Variants in PCSK9 observed in about 807,000 individuals in gnomAD.
PCSK9 encodes the protein proprotein convertase subtilisin/kexin type 9, also known as convertase subtilisin/kexin type 9 preproprotein.
A neutral mutation model predicts 62.1 loss-of-function variants in PCSK9; 57 were observed. The observed-to-expected ratio is 0.92, with a 90% CI of 0.74 to 1.14. The LOEUF is 1.14. PCSK9 is among the 50% of genes most tolerant of loss of function. PCSK9 has a pLI of 0.00. For synonymous variants in PCSK9, 387 were observed against 409.4 expected (o/e 0.95, Z 0.66); for missense variants, 870 against 959.8 (o/e 0.91, Z 1.24).
chr1:55,049,282 C>T (rs943861323), intron 3 of PCSK9, among the ~76,000 whole-genome samples: 7 of 152,184 alleles, frequency 4.6e-5, no homozygotes, highest in African/African-American at 7.2e-5. Context: ...CAGAAGGGAC[C>T]GAGGCTGGTG....
At chr1:55,052,439 T>C (rs1334946163) in intron 4 of PCSK9, 28 bp downstream of exon 4, 1 of 1,613,304 alleles carries the variant, frequency 6.2e-7, no homozygotes, top group Non-Finnish European at 8.5e-7. Context: ...ATGGGAGGGC[T>C]GCCTCTGCCC....
At chr1:55,055,927 T>A in intron 5 of PCSK9, 66 bp from the exon 6 acceptor site, 2 of 1,457,976 alleles carry the variant, frequency 1.4e-6, no homozygotes, top group South Asian at 2.5e-5. Context: ...TCTGTGCCTG[T>A]AAGGGAGGGG....
intron 6 of PCSK9, 103 bp downstream of exon 6, chr1:55,056,292 C>A: frequency 8.1e-7 from 1 of 1,238,090 alleles, no homozygotes; most frequent in South Asian, 1.9e-5. Flanking sequence ...ACGTGGGCTT[C>A]TTGTGGCACG....
rs370574590 is a variant in PCSK9, at chr1:55,058,628, G to T, written c.1484G>T (p.Arg495Leu). 16 of 1,611,046 alleles carry T rather than the reference G, an allele frequency of 9.9e-6. No individual in the cohort carries two copies. The highest frequency in any genetic ancestry group is 1.4e-5 in the Non-Finnish European group (16 of 1,179,802). ...TCCAGTTTCTCCAGGAGTGGGAAGC[G>T]GCGGGGCGAGCGCATGGAGGTGACT... is the stretch of plus-strand genomic sequence containing the variant. Reference protein sequence around the residue: ...SCSSFSRSGKRRGERMEAQGG... With the variant: ...SCSSFSRSGKLRGERMEAQGG... Residue 495 changes from arginine (R) to leucine (L), a missense_variant, in exon 9 of 12, where the codon CGG becomes CTG. Transcript: ENST00000302118.
intron 5 of PCSK9, among the ~76,000 whole-genome samples, chr1:55,053,108 T>C (rs1274349995): frequency 6.6e-6 from 1 of 152,170 alleles, no homozygotes; most frequent in African/African-American, 2.4e-5. Flanking sequence ...TTTGTTATGT[T>C]ATCTTCAATG....
chr1:55,058,322 A>G (rs1460814693), intron 8 of PCSK9, 113 bp downstream of exon 8: 1 of 1,484,288 alleles, frequency 6.7e-7, no homozygotes, highest in East Asian at 2.4e-5. Flanking sequence ...GCCACCTTAA[A>G]TAGGATTAAA....
intron 10 of PCSK9, 58 bp from the exon 11 acceptor site, chr1:55,061,317 G>C: frequency 1.3e-6 from 2 of 1,532,890 alleles, no homozygotes; most frequent in Non-Finnish European, 1.8e-6. Flanking sequence ...ATGGGGATGG[G>C]CACTGGAGAC....
At position 55,040,854 on chromosome 1, in the gene PCSK9, A is replaced by C. The variant is rs1211681124; in HGVS notation, c.207+810A>C. ...GTGTGCGGGGCGAGTTTGCTCAACA[A>C]CTCTGCCAGCTTCTGGCCCTCAGGC... is the stretch of plus-strand genomic sequence containing the variant. On this transcript the variant is annotated intron_variant, in intron 1 of 11. Transcript: ENST00000302118. This position sits in a 1 kb window ranked among gnomAD's most constrained non-coding sequence, Gnocchi z 4.1. 1.3e-5 allele frequency among the ~76,000 whole-genome samples: 2 copies of C among 151,958 alleles called. No homozygotes were observed. The highest frequency in any genetic ancestry group is 4.8e-5 in the African/African-American group (2 of 41,356).
chr1:55,063,570 C>T lies in PCSK9; in HGVS notation c.2065C>T (p.Gln689Ter), dbSNP rs769487037. 9 of 1,611,812 alleles carry T rather than the reference C, an allele frequency of 5.6e-6. No homozygotes were observed. The highest frequency in any genetic ancestry group is 1.7e-5 in the Admixed American group (1 of 59,928). Residue 689 changes from glutamine to a stop codon, truncating the protein, a stop_gained, in exon 12 of 12, where the codon CAG (glutamine) becomes TAG (stop). Transcript: ENST00000302118. LOFTEE classifies it high-confidence loss of function. ...CRSRHLAQASQELQ is the reference protein window; with the variant it reads ...CRSRHLAQAS Reference sequence around the variant, plus strand: ...GAGCCGGCACCTGGCGCAGGCCTCCCAGGAGCTCCAGTGACAGCCCCATCC... The same window carrying T: ...GAGCCGGCACCTGGCGCAGGCCTCCTAGGAGCTCCAGTGACAGCCCCATCC...
intron 3 of PCSK9, among the ~76,000 whole-genome samples, chr1:55,049,857 G>A (rs1021824755): frequency 6.6e-6 from 1 of 152,352 alleles, no homozygotes; most frequent in East Asian, 1.9e-4. Flanking sequence ...CCAGGGATGG[G>A]ACCCCACAGT....
At position 55,039,987 on chromosome 1, in the gene PCSK9, C is replaced by T. The variant is rs889289265; in HGVS notation, c.150C>T (p.Asp50=). Residue 50 remains aspartate, a synonymous_variant, in exon 1 of 12, where the codon GAC becomes GAT. Coordinates refer to ENST00000302118, the MANE Select transcript of PCSK9 (RefSeq NM_174936.4). The stretch of plus-strand genomic sequence containing the variant: ...TGCTAGCCTTGCGTTCCGAGGAGGA[C>T]GGCCTGGCCGAAGCACCCGAGCACG... The part of the protein sequence containing the change: ...ELVLALRSEE[D]GLAEAPEHGT... The T allele has an allele frequency of 1.4e-5, 22 of 1,580,320 alleles. No individual in the cohort carries two copies. The highest frequency in any genetic ancestry group is 1.8e-5 in the Non-Finnish European group (21 of 1,164,014).
chr1:55,062,664 G>A (rs1469583633), intron 11 of PCSK9, among the ~76,000 whole-genome samples: 1 of 152,212 alleles, frequency 6.6e-6, no homozygotes, highest in Non-Finnish European at 1.5e-5. Flanking sequence ...CCCAGGTGGG[G>A]ATGTGCAGGG....
At position 55,046,523 on chromosome 1, in the gene PCSK9, G is replaced by T; in HGVS notation, c.400G>T (p.Ala134Ser). ...VKMSGDLLEL[A>S]LKLPHVDYIE... ...CCCCCGGCCTCTCTGGCTTCTGCAG[G>T]CCTTGAAGTTGCCCCATGTCGACTA... is the stretch of plus-strand genomic sequence containing the variant. The change falls in exon 3 of 12, where the codon GCC becomes TCC. Residue 134 changes from alanine (A) to serine (S), a missense_variant and splice_region_variant. Coordinates refer to ENST00000302118, the MANE Select transcript of PCSK9 (RefSeq NM_174936.4). 1 of 1,614,170 alleles carries T rather than the reference G, an allele frequency of 6.2e-7. No individual in the cohort carries two copies. Among genetic ancestry groups the T allele is most frequent in the Non-Finnish European group, 8.5e-7 (1 of 1,180,034 alleles).
At position 55,046,625 on chromosome 1, in the gene PCSK9, G is replaced by A. The variant is rs1356251183; in HGVS notation, c.502G>A (p.Ala168Thr). The A allele has an allele frequency of 6.2e-7, 1 of 1,614,020 alleles. No individual in the cohort carries two copies. Among genetic ancestry groups the A allele is most frequent in the Non-Finnish European group, 8.5e-7 (1 of 1,180,020 alleles). Residue 168 changes from alanine to threonine, a missense_variant, in exon 3 of 12, where the codon GCG becomes ACG. By Grantham distance (58) the Ala-to-Thr change is moderately conservative. Coordinates refer to ENST00000302118, the MANE Select transcript of PCSK9 (RefSeq NM_174936.4). ...GCGGATTACCCCTCCACGGTACCGG[G>A]CGGATGAATACCAGCCCCCCGGTAA... ...LERITPPRYR[A>T]DEYQPPDGGS... is the part of the protein sequence containing the mutation.
At chr1:55,054,142 G>A (rs368619039) in intron 5 of PCSK9, among the ~76,000 whole-genome samples, 1 of 152,308 alleles carries the variant, frequency 6.6e-6, no homozygotes, top group East Asian at 1.9e-4. Flanking sequence ...CCAGCACTTT[G>A]GGAGGCCGAG....
chr1:55,042,315 G>T (rs1045576328), intron 1 of PCSK9, among the ~76,000 whole-genome samples: 1 of 151,976 alleles, frequency 6.6e-6, no homozygotes, highest in African/African-American at 2.4e-5. Context: ...AAAACCAAAA[G>T]TTTTTTTTGT....
intron 6 of PCSK9, among the ~76,000 whole-genome samples, chr1:55,057,099 A>G (rs185840193): frequency 2.0e-3 from 308 of 152,272 alleles, no homozygotes; most frequent in African/African-American, 7.1e-3. Context: ...TAAACTCCAC[A>G]GGGGCATTGG....
At position 55,064,304 on chromosome 1, in the gene PCSK9, T is replaced by G. The variant is rs1199462488; in HGVS notation, c.*720T>G. ...AGTGTGCAGTGGTGCATGCACTGTC[T>G]CAGCCAACCCGCTCCACTACCCGGC... On this transcript the variant is annotated 3_prime_UTR_variant, in exon 12 of 12. Coordinates refer to ENST00000302118, the MANE Select transcript of PCSK9 (RefSeq NM_174936.4). 6.6e-6 allele frequency: 1 copy of G among 152,300 alleles called. No homozygotes were observed. Among genetic ancestry groups the G allele is most frequent in the African/African-American group, 2.4e-5 (1 of 41,454 alleles). The allele number at this position is 152,300 out of a possible 1,614,324, so 9.4% of individuals were successfully genotyped here. A position where few individuals can be genotyped will look rare whatever the true frequency, so the allele number is the denominator to read the frequency against.
chr1:55,046,645 C>T lies in PCSK9; in HGVS notation c.522C>T (p.Pro174=), dbSNP rs373018373. The change falls in exon 3 of 12, where the codon CCC becomes CCT. Residue 174 remains proline (P), a splice_region_variant and synonymous_variant. Coordinates refer to ENST00000302118, the MANE Select transcript of PCSK9 (RefSeq NM_174936.4). The stretch of plus-strand genomic sequence containing the variant: ...ACCGGGCGGATGAATACCAGCCCCC[C>T]GGTAAGACCCCCATCTGTGCCCTGC... ...PRYRADEYQP[P]DGGSLVEVYL... 47 of 1,613,734 alleles carry T rather than the reference C, an allele frequency of 2.9e-5. No individual in the cohort carries two copies. The Admixed American group carries it at 3.7e-4, about 13-fold the overall frequency.
Sources: gnomAD v4.1 joint callset for allele counts (sites outside exome capture counted in the v4.1 genomes callset) on GRCh38, gnomAD v4.1.1 for gene constraint, Gnocchi (gnomAD v3.1) non-coding constraint, MANE v1.5 for transcripts, NCBI Gene and HGNC (gene_info 2026-07-23, HGNC 2026-07-21) for gene names.